MORN1: variants seen among roughly 807,000 people sequenced by gnomAD.
MORN1 encodes MORN repeat containing 1.
Under a neutral mutation model 61.9 loss-of-function variants are expected in MORN1, and 67 were observed. That is an observed-to-expected ratio of 1.08 (90% CI 0.89 to 1.33). The LOEUF (loss-of-function observed/expected upper bound fraction) is 1.33, where lower values mean the gene tolerates loss of function less well. MORN1 is among the 40% of genes most tolerant of loss of function. MORN1 has a pLI of 0.00. For missense variants in MORN1, 752 were observed against 691.2 expected (o/e 1.09, Z -0.99); for synonymous variants, 301 against 292.0 (o/e 1.03, Z -0.31).
At chr1:2,341,115 C>A (rs948664403) in intron 10 of MORN1, among the ~76,000 whole-genome samples, 1 of 152,240 alleles carries the variant, frequency 6.6e-6, no homozygotes, top group Non-Finnish European at 1.5e-5. Context: ...TCTGGTGGCT[C>A]CTCCCGACGG....
At chr1:2,327,982 T>C (rs1463279702) in intron 12 of MORN1, among the ~76,000 whole-genome samples, 1 of 152,180 alleles carries the variant, frequency 6.6e-6, no homozygotes, top group Non-Finnish European at 1.5e-5. Context: ...CGTCACAGGC[T>C]TCTGTGTGCA....
rs1490294032 is a variant in MORN1 at position 2,323,827 on chromosome 1, C to T, written c.1297+270G>A. 9.1e-6 allele frequency: 9 copies of T among 985,182 alleles called. No homozygotes were observed. The African/African-American group carries it at 1.4e-4, about 15-fold the overall frequency. The allele number at this position is 985,182 out of a possible 1,614,324, so 61.0% of individuals were successfully genotyped here. A position where few individuals can be genotyped will look rare whatever the true frequency, so the allele number is the denominator to read the frequency against. ...GTCCCCGTGCTCCCTGCCCCCGTGG[C>T]TTCCTCCTTTCTAGGACATTCCCCA... On this transcript the variant is annotated intron_variant, in intron 13 of 13. Transcript: ENST00000378531.
chr1:2,363,785 AAAACAAAC>A (rs4013730), intron 8 of MORN1, among the ~76,000 whole-genome samples: 1 of 130,716 alleles, frequency 7.7e-6, no homozygotes, highest in Non-Finnish European at 1.6e-5. Context: ...ATCAGTTAGA[AAAACAAAC>A]AAACAAACAA....
chr1:2,335,684 C>T (rs112858428), intron 12 of MORN1, among the ~76,000 whole-genome samples: 2,750 of 152,310 alleles, frequency 0.018, 43 homozygotes, highest in Middle Eastern at 0.048. Context: ...GAAACAAGAG[C>T]GAGTGCCTGG....
chr1:2,365,465 A>G (rs1234403353), intron 8 of MORN1, among the ~76,000 whole-genome samples: 26 of 144,090 alleles, frequency 1.8e-4, no homozygotes, highest in African/African-American at 5.7e-4. Context: ...GGGCTGAGAC[A>G]ATGGGGTTTT....
At chr1:2,355,333 G>A (rs1641739174) in intron 10 of MORN1, 1 of 1,504,662 alleles carries the variant, frequency 6.6e-7, no homozygotes, top group Non-Finnish European at 8.9e-7. Flanking sequence ...CCCGTGGAGT[G>A]GCGCCGGGCC....
chr1:2,346,375 A>G (rs1641515995), intron 10 of MORN1, among the ~76,000 whole-genome samples: 1 of 152,010 alleles, frequency 6.6e-6, no homozygotes, highest in Non-Finnish European at 1.5e-5. Flanking sequence ...GATACATTTT[A>G]TTTTGTTTTT....
At chr1:2,383,626 G>A (rs1200366277) in intron 6 of MORN1, among the ~76,000 whole-genome samples, 1 of 152,204 alleles carries the variant, frequency 6.6e-6, no homozygotes, top group Non-Finnish European at 1.5e-5. Context: ...CCTCTCCACG[G>A]CCACAGCAGT....
intron 10 of MORN1, among the ~76,000 whole-genome samples, chr1:2,346,670 G>A (rs1050368454): frequency 2.0e-5 from 3 of 152,222 alleles, no homozygotes; most frequent in African/African-American, 7.2e-5. Flanking sequence ...ACAGGCGTGA[G>A]CCACCGCGCC....
At chr1:2,323,241 A>C in intron 13 of MORN1, 1 of 985,348 alleles carries the variant, frequency 1.0e-6, no homozygotes, top group Non-Finnish European at 1.2e-6. Context: ...CACTGGCTAC[A>C]GCCCCGGCCA....
intron 5 of MORN1, chr1:2,385,557 G>GT (rs1025522324): frequency 2.9e-6 from 1 of 349,132 alleles, no homozygotes; most frequent in Non-Finnish European, 5.3e-6. Flanking sequence ...ATCGGGGGGG[G>GT]GGGGGATGTT....
chr1:2,324,818 G>C (rs889930844), intron 12 of MORN1, among the ~76,000 whole-genome samples: 2 of 152,094 alleles, frequency 1.3e-5, no homozygotes, highest in Non-Finnish European at 2.9e-5. Context: ...TGCAACAAGT[G>C]ATGGGCCTGT....
At position 2,345,085 on chromosome 1, in the gene MORN1, G is replaced by A. The variant is rs377336963; in HGVS notation, c.1037-8235C>T. 1.2e-4 allele frequency among the ~76,000 whole-genome samples: 18 copies of A among 152,248 alleles called. No individual in the cohort carries two copies. The South Asian group carries it at 3.5e-3, about 30-fold the overall frequency. ...AGTGTCAGCCTCCAGGAGGGTCCACGCGTGCTCACGCTCTACGCTCATGGA... is the reference window on the plus strand; with the variant it reads ...AGTGTCAGCCTCCAGGAGGGTCCACACGTGCTCACGCTCTACGCTCATGGA... On this transcript the variant is annotated intron_variant, in intron 10 of 13. Coordinates refer to ENST00000378531, the MANE Select transcript of MORN1 (RefSeq NM_024848.3).
intron 8 of MORN1, among the ~76,000 whole-genome samples, chr1:2,363,811 A>AAAAATATAT (rs1199100386): frequency 1.5e-5 from 2 of 135,098 alleles, no homozygotes; most frequent in African/African-American, 3.0e-5. Context: ...CAAACAAAAA[A>AAAAATATAT]ATATATATAT....
intron 12 of MORN1, among the ~76,000 whole-genome samples, chr1:2,327,437 G>A (rs886860827): frequency 1.4e-5 from 2 of 148,112 alleles, no homozygotes; most frequent in African/African-American, 2.5e-5. Flanking sequence ...GAAACACAGC[G>A]ACGCAGAAAC....
intron 13 of MORN1, chr1:2,322,647 A>T: frequency 1.0e-6 from 1 of 985,308 alleles, no homozygotes; most frequent in Non-Finnish European, 1.2e-6. Context: ...GGCACCGGGG[A>T]CAGCCTCCCT....
At chr1:2,335,013 C>A (rs542334308) in intron 12 of MORN1, among the ~76,000 whole-genome samples, 5 of 152,344 alleles carry the variant, frequency 3.3e-5, no homozygotes, top group African/African-American at 1.2e-4. Context: ...GCAAACAGGG[C>A]CCCAGCACCT....
chr1:2,339,655 C>T (rs1641352459), intron 10 of MORN1, among the ~76,000 whole-genome samples: 1 of 152,126 alleles, frequency 6.6e-6, no homozygotes, highest in African/African-American at 2.4e-5. Context: ...CCCAGTGTCT[C>T]CCACCGAGTC....
chr1:2,366,997 C>A (rs61760815), intron 8 of MORN1, among the ~76,000 whole-genome samples: 1 of 84,712 alleles, frequency 1.2e-5, no homozygotes, highest in Non-Finnish European at 2.5e-5. Flanking sequence ...CATAGAAAAA[C>A]ACATAGAAAA....
Sources: allele counts gnomAD v4.1 joint callset (sites outside exome capture counted in the v4.1 genomes callset), GRCh38; gene constraint gnomAD v4.1.1; transcripts MANE v1.5; gene names NCBI Gene and HGNC (gene_info 2026-07-23, HGNC 2026-07-21).